Variants in SLC16A12 observed in about 807,000 individuals in gnomAD.
SLC16A12 encodes monocarboxylate transporter 12.
Under a neutral mutation model 42.4 loss-of-function variants are expected in SLC16A12, and 17 were observed. The observed-to-expected ratio is 0.40, with a 90% CI of 0.27 to 0.60. The LOEUF is 0.60. Ranked by LOEUF, SLC16A12 falls within the 20% of genes least tolerant of loss-of-function variation. The pLI is 0.42. For synonymous variants in SLC16A12, 224 were observed against 229.4 expected (o/e 0.98, Z 0.21); for missense variants, 544 against 623.0 (o/e 0.87, Z 1.35).
At chr10:89,483,083 C>G (rs1023996741) in intron 2 of SLC16A12, among the ~76,000 whole-genome samples, 1 of 151,930 alleles carries the variant, frequency 6.6e-6, no homozygotes, top group Non-Finnish European at 1.5e-5. Flanking sequence ...GGACAGCTCC[C>G]TTCCTGGCTT....
upstream of SLC16A12, among the ~76,000 whole-genome samples, chr10:89,539,270 G>A (rs1387367660): frequency 1.3e-5 from 2 of 152,144 alleles, no homozygotes; most frequent in African/African-American, 4.8e-5. Context: ...TTTCGCTGAT[G>A]TGGTCAGCTG....
intron 2 of SLC16A12, among the ~76,000 whole-genome samples, chr10:89,471,263 T>C (rs904661548): frequency 6.6e-6 from 1 of 152,226 alleles, no homozygotes; most frequent in Non-Finnish European, 1.5e-5. Flanking sequence ...GCAGTCAATC[T>C]TCACCAACCC....
chr10:89,532,266 A>G (rs1415829769), intron 2 of SLC16A12, among the ~76,000 whole-genome samples: 1 of 152,126 alleles, frequency 6.6e-6, no homozygotes, highest in Non-Finnish European at 1.5e-5. Context: ...TATGTATCTG[A>G]TGGGGCACAG....
intron 4 of SLC16A12, 133 bp from the exon 5 acceptor site, chr10:89,441,384 CTG>C: frequency 9.1e-7 from 1 of 1,095,118 alleles, no homozygotes; most frequent in South Asian, 1.3e-5. Flanking sequence ...GCTTTGGAAA[CTG>C]AGGCCCAGAG....
chr10:89,541,108 A>T (rs781567357), intron 2 of SLC16A12, among the ~76,000 whole-genome samples: 2 of 150,032 alleles, frequency 1.3e-5, no homozygotes, highest in Non-Finnish European at 1.5e-5. Context: ...TTGTATTTTT[A>T]GTAGAGAGGG....
At chr10:89,484,044 C>G (rs1361602223) in intron 2 of SLC16A12, among the ~76,000 whole-genome samples, 1 of 152,162 alleles carries the variant, frequency 6.6e-6, no homozygotes, top group African/African-American at 2.4e-5. Flanking sequence ...CAGCCGCCTA[C>G]TCAGGAAGCT....
chr10:89,506,531 T>C (rs1041467916), intron 2 of SLC16A12, among the ~76,000 whole-genome samples: 3 of 151,864 alleles, frequency 2.0e-5, no homozygotes, highest in Admixed American at 6.6e-5. Flanking sequence ...AGCATCAACA[T>C]CAATAAAAAG....
At chr10:89,554,392 A>G (rs1370690889) in intron 2 of SLC16A12, among the ~76,000 whole-genome samples, 1 of 152,230 alleles carries the variant, frequency 6.6e-6, no homozygotes, top group East Asian at 1.9e-4. Flanking sequence ...AACCAGATCT[A>G]GAGAGGGAAG....
At chr10:89,553,758 C>T (rs1843785227) in intron 2 of SLC16A12, among the ~76,000 whole-genome samples, 2 of 152,008 alleles carry the variant, frequency 1.3e-5, no homozygotes, top group Admixed American at 1.3e-4. Flanking sequence ...CCTGTAATCT[C>T]AGCACTTTGG....
chr10:89,506,190 G>A (rs1160762699), intron 2 of SLC16A12, among the ~76,000 whole-genome samples: 1 of 152,242 alleles, frequency 6.6e-6, no homozygotes, highest in Non-Finnish European at 1.5e-5. Context: ...TCTGAAGAGA[G>A]CAGTAGTTCT....
chr10:89,460,362 T>C (rs1380767339), intron 3 of SLC16A12, among the ~76,000 whole-genome samples: 1 of 152,244 alleles, frequency 6.6e-6, no homozygotes, highest in Admixed American at 6.5e-5. Context: ...AGCTGTCATA[T>C]CAGTGATGAG....
At chr10:89,546,111 C>T (rs1232480422) in intron 2 of SLC16A12, among the ~76,000 whole-genome samples, 1 of 152,116 alleles carries the variant, frequency 6.6e-6, no homozygotes, top group Non-Finnish European at 1.5e-5. Flanking sequence ...TAGGCAGTAC[C>T]ATTCAGGACA....
rs1564823578 is a variant in SLC16A12, at chr10:89,436,229, G to A, written c.1119C>T (p.Leu373=). 3.7e-6 allele frequency: 6 copies of A among 1,614,162 alleles called. No individual in the cohort carries two copies. Among genetic ancestry groups the A allele is most frequent in the Non-Finnish European group, 5.1e-6 (6 of 1,180,020 alleles). Residue 373 remains leucine, a synonymous_variant, in exon 7 of 8, where the codon CTC becomes CTT. Transcript: ENST00000371790. ...TACAAGAGAAAGGCACGAGCAGAGGGAGACTTTGAAGCATTGGGAGGCAGA... is the reference window on the plus strand; with the variant it reads ...TACAAGAGAAAGGCACGAGCAGAGGAAGACTTTGAAGCATTGGGAGGCAGA... ...CYLCLPMLQS[L]PLLVPFSCTF...
intron 2 of SLC16A12, among the ~76,000 whole-genome samples, chr10:89,470,202 C>T (rs1276533787): frequency 6.6e-6 from 1 of 152,100 alleles, no homozygotes; most frequent in Non-Finnish European, 1.5e-5. Context: ...ACATTCCCAC[C>T]ACACAGAAAG....
At chr10:89,499,572 G>C (rs1842966934) in intron 2 of SLC16A12, among the ~76,000 whole-genome samples, 2 of 152,142 alleles carry the variant, frequency 1.3e-5, no homozygotes, top group Non-Finnish European at 2.9e-5. Flanking sequence ...ATGAAATCAA[G>C]ATAGAAATTA....
At chr10:89,468,326 C>T (rs1371583226) in intron 2 of SLC16A12, among the ~76,000 whole-genome samples, 1 of 152,186 alleles carries the variant, frequency 6.6e-6, no homozygotes, top group Non-Finnish European at 1.5e-5. Flanking sequence ...TCGATCCTCA[C>T]CATCCTCAGG....
chr10:89,553,169 C>T (rs1177727901), intron 2 of SLC16A12, among the ~76,000 whole-genome samples: 101 of 152,178 alleles, frequency 6.6e-4, no homozygotes, highest in Non-Finnish European at 7.3e-5. Flanking sequence ...GTATGCATAT[C>T]TTTTATTAGA....
chr10:89,441,753 C>G lies in SLC16A12; in HGVS notation c.305-502G>C, dbSNP rs1385454118. ...GCCCAGTTTTCAGGCTTCAGCACAC[C>G]CTGTGGTTGAGATATCAAAGCCCAG... On this transcript the variant is annotated intron_variant, in intron 4 of 7. Coordinates refer to ENST00000371790, the MANE Select transcript of SLC16A12 (RefSeq NM_213606.4). Among the ~76,000 whole-genome samples, 3 of 152,082 alleles carry G rather than the reference C, an allele frequency of 2.0e-5. No homozygotes were observed. The East Asian group carries it at 5.8e-4, about 29-fold the overall frequency.
intron 3 of SLC16A12, among the ~76,000 whole-genome samples, chr10:89,452,485 T>G (rs1163638859): frequency 1.3e-5 from 2 of 152,120 alleles, no homozygotes; most frequent in East Asian, 3.8e-4. Context: ...AATAGCAAAT[T>G]TAAACATCAT....
Sources: allele counts gnomAD v4.1 joint callset (sites outside exome capture counted in the v4.1 genomes callset), GRCh38; gene constraint gnomAD v4.1.1; transcripts MANE v1.5; gene names NCBI Gene and HGNC (gene_info 2026-07-23, HGNC 2026-07-21).